The following ZSWIM5 variants were observed in gnomAD, a reference collection of about 807,000 sequenced individuals.
ZSWIM5 encodes the protein zinc finger SWIM-type containing 5, also known as zinc finger SWIM domain-containing protein 5.
In ZSWIM5, 55 loss-of-function variants were observed where a neutral mutation model predicts 119.6. The observed-to-expected ratio is 0.46, with a 90% CI of 0.37 to 0.58. The LOEUF (loss-of-function observed/expected upper bound fraction) is 0.58, where lower values mean the gene tolerates loss of function less well. Among genes scored for constraint, ZSWIM5 ranks in the 20% least tolerant of loss-of-function variants. The pLI is 0.00. For synonymous variants in ZSWIM5, 537 were observed against 606.9 expected, an observed-to-expected ratio of 0.88 and a Z score of 1.69; for missense variants, 1,193 against 1,512.8, an observed-to-expected ratio of 0.79 and a Z score of 3.51.
intron 1 of ZSWIM5, among the ~76,000 whole-genome samples, chr1:45,182,587 G>A (rs1402457038): frequency 6.6e-6 from 1 of 152,098 alleles, no homozygotes; most frequent in Non-Finnish European, 1.5e-5. Flanking sequence ...AAAAAAGGCA[G>A]GGGTTGCAAT....
intron 2 of ZSWIM5, among the ~76,000 whole-genome samples, chr1:45,068,956 C>A (rs1369581599): frequency 6.6e-6 from 1 of 151,612 alleles, no homozygotes; most frequent in East Asian, 1.9e-4. Context: ...CAGGCACACA[C>A]CACCATGCCC....
chr1:45,177,320 T>C (rs1368256272), intron 1 of ZSWIM5, among the ~76,000 whole-genome samples: 1 of 152,152 alleles, frequency 6.6e-6, no homozygotes, highest in African/African-American at 2.4e-5. Flanking sequence ...TGTTATAGAC[T>C]CTAACAAGGC....
chr1:45,198,049 A>T (rs1262393155), intron 1 of ZSWIM5, among the ~76,000 whole-genome samples: 1 of 152,246 alleles, frequency 6.6e-6, no homozygotes, highest in African/African-American at 2.4e-5. Context: ...GAGGAAAAAC[A>T]TTCATCTTGT....
Position 45,043,361 on chromosome 1 carries a change from A to G in ZSWIM5, c.1467T>C (p.Thr489=), listed in dbSNP as rs764033353. ...GTAATTCACGCCCCTCAATGGCTCT[A>G]GTGAATACTGTTCGTCTTGGTCTGG... is the stretch of plus-strand genomic sequence containing the variant. ...SLSRPRRTVF[T]RAIEGRELHW... The change falls in exon 6 of 14, where the codon ACT becomes ACC. Residue 489 remains threonine, a synonymous_variant. Transcript: ENST00000359600. The G allele has an allele frequency of 6.2e-6, 10 of 1,614,234 alleles. No homozygotes were observed. Among genetic ancestry groups the G allele is most frequent in the Non-Finnish European group, 8.5e-6 (10 of 1,180,036 alleles).
intron 1 of ZSWIM5, among the ~76,000 whole-genome samples, chr1:45,098,795 A>G (rs1645419777): frequency 1.3e-5 from 2 of 152,206 alleles, no homozygotes; most frequent in Non-Finnish European, 2.9e-5. Flanking sequence ...CTCCTGAATG[A>G]CTACTGGGTA....
chr1:45,031,169 A>ATTTTTTTTTTTTTTTTT (rs34390567), intron 11 of ZSWIM5, among the ~76,000 whole-genome samples: 12 of 61,744 alleles, frequency 1.9e-4, no homozygotes, highest in East Asian at 5.3e-4. Flanking sequence ...TTTTGCTCTG[A>ATTTTTTTTTTTTTTTTT]TTTTTTTTTT....
intron 2 of ZSWIM5, among the ~76,000 whole-genome samples, chr1:45,080,937 T>C (rs1374553724): frequency 6.6e-6 from 1 of 152,152 alleles, no homozygotes; most frequent in Non-Finnish European, 1.5e-5. Context: ...TAGGGACTAA[T>C]ACAAGAAATG....
chr1:45,189,810 A>G (rs1646080584), intron 1 of ZSWIM5, among the ~76,000 whole-genome samples: 1 of 152,192 alleles, frequency 6.6e-6, no homozygotes, highest in African/African-American at 2.4e-5. Flanking sequence ...TTAATGTCAC[A>G]TTATGTGCTA....
At chr1:45,205,700 G>T in intron 1 of ZSWIM5, 56 bp downstream of exon 1, 1 of 1,446,804 alleles carries the variant, frequency 6.9e-7, no homozygotes, top group Non-Finnish European at 9.2e-7. Context: ...GGGCCGAGAA[G>T]AGGCACCCGC....
intron 1 of ZSWIM5, among the ~76,000 whole-genome samples, chr1:45,175,755 A>T (rs898366472): frequency 2.1e-5 from 3 of 141,004 alleles, no homozygotes; most frequent in African/African-American, 8.1e-5. Flanking sequence ...CCTGGCCTTT[A>T]AAAAAAAAAA....
At chr1:45,056,621 A>AT (rs1645125474) in intron 4 of ZSWIM5, among the ~76,000 whole-genome samples, 1 of 151,414 alleles carries the variant, frequency 6.6e-6, no homozygotes, top group South Asian at 2.1e-4. Flanking sequence ...AAAAAAAAAA[A>AT]AAGATATTAG....
chr1:45,051,788 A>G (rs1459401061), intron 4 of ZSWIM5, among the ~76,000 whole-genome samples: 1 of 152,208 alleles, frequency 6.6e-6, no homozygotes, highest in African/African-American at 2.4e-5. Flanking sequence ...AGCTTCATCA[A>G]ATCATTCAAT....
intron 11 of ZSWIM5, among the ~76,000 whole-genome samples, chr1:45,034,082 T>C (rs1644968398): frequency 6.6e-6 from 1 of 152,184 alleles, no homozygotes. Flanking sequence ...CTCGATCTCT[T>C]GACCTCGTGA....
chr1:45,103,107 A>G (rs1267323220), intron 1 of ZSWIM5, among the ~76,000 whole-genome samples: 1 of 152,064 alleles, frequency 6.6e-6, no homozygotes, highest in Non-Finnish European at 1.5e-5. Flanking sequence ...GTCTCAACTG[A>G]TCTTCCTGCC....
At chr1:45,165,788 A>G (rs917991497) in intron 1 of ZSWIM5, among the ~76,000 whole-genome samples, 12 of 152,174 alleles carry the variant, frequency 7.9e-5, no homozygotes, top group Non-Finnish European at 1.5e-4. Context: ...ATCCCTGAAT[A>G]GACCAATAAC....
At chr1:45,134,175 G>C (rs12073034) in intron 1 of ZSWIM5, among the ~76,000 whole-genome samples, 2 of 152,054 alleles carry the variant, frequency 1.3e-5, no homozygotes, top group African/African-American at 4.8e-5. Flanking sequence ...GATGGTGATG[G>C]CATTGAATCT....
intron 1 of ZSWIM5, among the ~76,000 whole-genome samples, chr1:45,125,343 T>A (rs1480006821): frequency 6.6e-6 from 1 of 151,870 alleles, no homozygotes; most frequent in Non-Finnish European, 1.5e-5. Context: ...TTCTAAATAA[T>A]CCAGGGGTCA....
chr1:45,032,605 C>G (rs1644959733), intron 11 of ZSWIM5, among the ~76,000 whole-genome samples: 1 of 151,618 alleles, frequency 6.6e-6, no homozygotes, highest in Non-Finnish European at 1.5e-5. Context: ...CGTGCCACAG[C>G]CTCCTGAGTA....
At chr1:45,152,204 G>A (rs1456911958) in intron 1 of ZSWIM5, among the ~76,000 whole-genome samples, 1 of 152,126 alleles carries the variant, frequency 6.6e-6, no homozygotes, top group East Asian at 1.9e-4. Context: ...CAGCAGGGCA[G>A]TGATATAATC....
Sources: gnomAD v4.1 joint callset for allele counts (sites outside exome capture counted in the v4.1 genomes callset) on GRCh38, gnomAD v4.1.1 for gene constraint, MANE v1.5 for transcripts, NCBI Gene and HGNC (gene_info 2026-07-23, HGNC 2026-07-21) for gene names.